ANO4: variants seen among roughly 807,000 people sequenced by gnomAD.
The protein encoded by ANO4 is anoctamin-4.
In ANO4, 69 loss-of-function variants were observed where a neutral mutation model predicts 141.9. That is an observed-to-expected ratio of 0.49 (90% confidence interval 0.40 to 0.59). The LOEUF (loss-of-function observed/expected upper bound fraction) is 0.59. Among genes scored for constraint, ANO4 ranks in the 20% least tolerant of loss-of-function variants. ANO4 has a pLI of 0.00. For missense variants in ANO4, 894 were observed against 1,162.2 expected (o/e 0.77, Z 3.36); for synonymous variants, 350 against 394.3 (o/e 0.89, Z 1.33).
chr12:100,859,300 G>A (rs1249717418), intron 1 of ANO4: 1 of 152,140 alleles, frequency 6.6e-6, no homozygotes, highest in East Asian at 1.9e-4. Flanking sequence ...GTGGCTTTAA[G>A]AGCATATTTT....
intron 14 of ANO4, among the ~76,000 whole-genome samples, chr12:101,056,228 G>A (rs986604560): frequency 1.3e-5 from 2 of 152,138 alleles, no homozygotes; most frequent in Non-Finnish European, 2.9e-5. Context: ...GAAAGATTGA[G>A]TGTCATTTAG....
At position 100,860,928 on chromosome 12, in the gene ANO4, C is replaced by T. The variant is rs915499755; in HGVS notation, c.-140-40718C>T. On this transcript the variant is annotated intron_variant, in intron 1 of 27. Transcript: ENST00000392977. ...CTTCAAGAATGGGGCCGCGGACCTT[C>T]GCGGTGAGTGTTACAGCTCTTAAAG... Among the ~76,000 whole-genome samples the T allele has an allele frequency of 7.9e-5, 12 of 152,114 alleles. 1 individual carries two copies. Among genetic ancestry groups the T allele is most frequent in the Admixed American group, 7.2e-4 (11 of 15,264 alleles).
At chr12:100,766,308 T>A (rs1011457244) in intron 3 of ANO4, among the ~76,000 whole-genome samples, 2 of 152,182 alleles carry the variant, frequency 1.3e-5, no homozygotes, top group Non-Finnish European at 2.9e-5. Flanking sequence ...CTTCTTTTTC[T>A]AGTTCCTTGA....
chr12:100,741,495 A>G (rs546186662), intron 3 of ANO4, among the ~76,000 whole-genome samples: 68 of 152,302 alleles, frequency 4.5e-4, no homozygotes, highest in African/African-American at 1.5e-3. Flanking sequence ...TGCATTTGGC[A>G]GGCTTTTCCT....
At chr12:100,802,293 T>G (rs907353024) in intron 1 of ANO4, among the ~76,000 whole-genome samples, 1 of 152,242 alleles carries the variant, frequency 6.6e-6, no homozygotes, top group East Asian at 1.9e-4. Context: ...TGTGTAAGTT[T>G]GTTTCATGTA....
intron 14 of ANO4, among the ~76,000 whole-genome samples, chr12:101,060,829 A>C (rs933284491): frequency 2.0e-5 from 3 of 152,082 alleles, no homozygotes; most frequent in African/African-American, 4.8e-5. Context: ...TTGACTCTTT[A>C]TCCAGTTTGC....
chr12:100,933,046 G>C (rs138640326), intron 3 of ANO4, among the ~76,000 whole-genome samples: 215 of 152,000 alleles, frequency 1.4e-3, no homozygotes, highest in African/African-American at 5.0e-3. Flanking sequence ...GGGTCTGAAT[G>C]AAATGCAGAT....
At chr12:100,742,363 A>G (rs2031907519) in intron 3 of ANO4, among the ~76,000 whole-genome samples, 1 of 152,062 alleles carries the variant, frequency 6.6e-6, no homozygotes, top group South Asian at 2.1e-4. Context: ...TTTGTGTTTT[A>G]AAGAATAAAG....
At chr12:100,793,261 G>A (rs1292446166), upstream of ANO4, among the ~76,000 whole-genome samples, 1 of 152,104 alleles carries the variant, frequency 6.6e-6, no homozygotes, top group African/African-American at 2.4e-5. Flanking sequence ...AAGTCTCCCA[G>A]GTTTTCCTTA....
chr12:100,891,054 T>C (rs188989925), intron 1 of ANO4, among the ~76,000 whole-genome samples: 7 of 152,322 alleles, frequency 4.6e-5, no homozygotes, highest in Admixed American at 1.3e-4. Context: ...ATGTAGCCTT[T>C]TCAGACTGGC....
chr12:100,750,379 A>G (rs558118371), intron 3 of ANO4, among the ~76,000 whole-genome samples: 2 of 151,354 alleles, frequency 1.3e-5, no homozygotes, highest in African/African-American at 2.4e-5. Flanking sequence ...CCTGACCTCA[A>G]GTTATCCACC....
At chr12:100,933,159 G>A (rs1440781126) in intron 3 of ANO4, among the ~76,000 whole-genome samples, 1 of 150,570 alleles carries the variant, frequency 6.6e-6, no homozygotes, top group Admixed American at 6.7e-5. Context: ...TAGGGTACAT[G>A]TGTACAACGT....
intron 9 of ANO4, among the ~76,000 whole-genome samples, chr12:101,027,969 C>T (rs931013652): frequency 3.3e-5 from 5 of 152,146 alleles, no homozygotes; most frequent in African/African-American, 7.2e-5. Flanking sequence ...GAAGAAGGAG[C>T]AGGCACCCAT....
At chr12:100,817,618 T>C (rs1317467517) in intron 1 of ANO4, among the ~76,000 whole-genome samples, 5 of 151,968 alleles carry the variant, frequency 3.3e-5, no homozygotes, top group African/African-American at 1.2e-4. Context: ...TGTTCAGTTG[T>C]TGGATTCCAT....
At chr12:101,008,517 A>G (rs1447806466) in intron 8 of ANO4, among the ~76,000 whole-genome samples, 1 of 152,160 alleles carries the variant, frequency 6.6e-6, no homozygotes, top group Non-Finnish European at 1.5e-5. Context: ...GTTATATTAC[A>G]ATTTAATTAC....
At chr12:101,025,317 G>A (rs572120956) in intron 9 of ANO4, among the ~76,000 whole-genome samples, 5 of 152,212 alleles carry the variant, frequency 3.3e-5, no homozygotes, top group Admixed American at 6.5e-5. Context: ...ATAGTTTCTA[G>A]ACAGCACCAT....
At chr12:100,756,653 T>C (rs538250961) in intron 3 of ANO4, among the ~76,000 whole-genome samples, 13 of 152,294 alleles carry the variant, frequency 8.5e-5, no homozygotes, top group Non-Finnish European at 1.3e-4. Flanking sequence ...CGGCCTCAAC[T>C]TGTTTTTTTC....
intron 5 of ANO4, among the ~76,000 whole-genome samples, chr12:100,952,942 ATTAC>A (rs1378493501): frequency 6.6e-6 from 1 of 152,198 alleles, no homozygotes; most frequent in Non-Finnish European, 1.5e-5. Flanking sequence ...ACTCACGCAT[ATTAC>A]TTCAGTCAAG....
At chr12:100,735,602 C>G (rs2136835405) in intron 2 of ANO4, among the ~76,000 whole-genome samples, 1 of 152,070 alleles carries the variant, frequency 6.6e-6, no homozygotes, top group Non-Finnish European at 1.5e-5. Context: ...AGACAGAAAT[C>G]AACTAGGGAG....
Sources: allele counts gnomAD v4.1 joint callset (sites outside exome capture counted in the v4.1 genomes callset), GRCh38; gene constraint gnomAD v4.1.1; transcripts MANE v1.5; gene names NCBI Gene and HGNC (gene_info 2026-07-23, HGNC 2026-07-21).